ZSWIM1: variants seen among roughly 807,000 people sequenced by gnomAD.
ZSWIM1 encodes the protein zinc finger SWIM domain-containing protein 1.
In ZSWIM1, 22 loss-of-function variants were observed where a neutral mutation model predicts 29.3. That is an observed-to-expected ratio of 0.75 (90% CI 0.54 to 1.07). ZSWIM1 has a LOEUF of 1.07. Ranked by LOEUF, ZSWIM1 falls within the 50% of genes least tolerant of loss-of-function variation. ZSWIM1 has a pLI of 0.00. For synonymous variants in ZSWIM1, 228 were observed against 240.8 expected, an observed-to-expected ratio of 0.95 and a Z score of 0.49; for missense variants, 511 against 596.2, an observed-to-expected ratio of 0.86 and a Z score of 1.49.
In ZSWIM1 at chr20:45,883,602, C is replaced by T. The variant is rs1328414735; in HGVS notation, c.1010C>T (p.Pro337Leu). Residue 337 changes from proline to leucine, a missense_variant, in exon 2 of 2, where the codon CCA (proline) becomes CTA (leucine). Coordinates refer to ENST00000372523, the MANE Select transcript of ZSWIM1 (RefSeq NM_080603.5). ...TCCCTCAATGCCATCTGCACAGGGC[C>T]AGCAGCCCAACTGTGCCTGGGCGAG... is the stretch of plus-strand genomic sequence containing the variant. ...QHSLNAICTG[P>L]AAQLCLGELA... The T allele has an allele frequency of 1.9e-6, 3 of 1,614,094 alleles. No homozygotes were observed. Among genetic ancestry groups the T allele is most frequent in the East Asian group, 2.2e-5 (1 of 44,898 alleles).
rs1242965749 is a variant in ZSWIM1 at position 45,884,138 on chromosome 20, ACACACT to A, written c.*90_*95del. ...CACACACACACACACACACACACACACACACTCCCTTACACTGTTGTACTTCCGTGG... is the reference window on the plus strand; with the variant it reads ...CACACACACACACACACACACACACACCCTTACACTGTTGTACTTCCGTGG... On this transcript the variant is annotated 3_prime_UTR_variant, in exon 2 of 2. Coordinates refer to ENST00000372523, the MANE Select transcript of ZSWIM1 (RefSeq NM_080603.5). 7.0e-7 allele frequency: 1 copy of A among 1,430,038 alleles called. No individual in the cohort carries two copies. 88.6% of individuals were successfully genotyped at this position (1,430,038 alleles called of 1,614,324 possible).
rs772607038 is a variant in ZSWIM1 at position 45,883,456 on chromosome 20, G to A, written c.864G>A (p.Gln288=). Reference sequence around the variant, plus strand: ...CTTCTCTGTTCCGTTACATGCAGCAGAACTCTGCAGACAAGGCAAACTTCA... The same window carrying A: ...CTTCTCTGTTCCGTTACATGCAGCAAAACTCTGCAGACAAGGCAAACTTCA... ...GMASLFRYMQ[Q]NSADKANFNQ... The change falls in exon 2 of 2, where the codon CAG becomes CAA. Residue 288 remains glutamine (Q), a synonymous_variant. Coordinates refer to ENST00000372523, the MANE Select transcript of ZSWIM1 (RefSeq NM_080603.5). 1.2e-6 allele frequency: 2 copies of A among 1,614,112 alleles called. No individual in the cohort carries two copies. The highest frequency in any genetic ancestry group is 1.3e-5 in the African/African-American group (1 of 74,938).
chr20:45,883,427 A>G lies in ZSWIM1; in HGVS notation c.835A>G (p.Met279Val), dbSNP rs1372531938. 1 of 1,614,210 alleles carries G rather than the reference A, an allele frequency of 6.2e-7. No individual in the cohort carries two copies. The highest frequency in any genetic ancestry group is 1.3e-5 in the African/African-American group (1 of 75,054). ...FGTTPSEKQG[M>V]ASLFRYMQQN... ...TACCACCCCATCTGAGAAACAAGGTATGGCTTCTCTGTTCCGTTACATGCA... is the reference window on the plus strand; with the variant it reads ...TACCACCCCATCTGAGAAACAAGGTGTGGCTTCTCTGTTCCGTTACATGCA... Residue 279 changes from methionine to valine, a missense_variant, in exon 2 of 2, where the codon ATG becomes GTG. Met to Val is a conservative substitution (Grantham distance 21). Transcript: ENST00000372523.
In ZSWIM1 at chr20:45,882,470, G is replaced by A. The variant is rs1232840395; in HGVS notation, c.-60-63G>A. 1.9e-5 allele frequency: 22 copies of A among 1,179,438 alleles called. No individual in the cohort carries two copies. The East Asian group carries it at 4.9e-4, about 27-fold the overall frequency. 73.1% of individuals were successfully genotyped at this position (1,179,438 alleles called of 1,614,324 possible). ...ATAGTAAGTGTTCAACAAATATTGT[G>A]TGGATGAATAATTGAAGAGCCAGGT... On this transcript the variant is annotated intron_variant, in intron 1 of 1. Coordinates refer to ENST00000372523, the MANE Select transcript of ZSWIM1 (RefSeq NM_080603.5).
In ZSWIM1 at chr20:45,883,846, G is replaced by A. The variant is rs369843458; in HGVS notation, c.1254G>A (p.Thr418=). ...LQPDMLPAQW[T]AGCATSLDSI... is the part of the protein sequence containing the mutation. Reference sequence around the variant, plus strand: ...CCGACATGCTGCCGGCTCAGTGGACGGCAGGCTGTGCTACCAGTCTAGACA... The same window carrying A: ...CCGACATGCTGCCGGCTCAGTGGACAGCAGGCTGTGCTACCAGTCTAGACA... The change falls in exon 2 of 2, where the codon ACG becomes ACA. Residue 418 remains threonine, a synonymous_variant. Coordinates refer to ENST00000372523, the MANE Select transcript of ZSWIM1 (RefSeq NM_080603.5). The A allele has an allele frequency of 2.2e-5, 36 of 1,613,442 alleles. No individual in the cohort carries two copies. Among genetic ancestry groups the A allele is most frequent in the African/African-American group, 6.7e-5 (5 of 74,874 alleles).
Position 45,884,192 on chromosome 20 carries a change from A to G in ZSWIM1, c.*142A>G. 1 of 1,207,640 alleles carries G rather than the reference A, an allele frequency of 8.3e-7. No individual in the cohort carries two copies. The highest frequency in any genetic ancestry group is 1.1e-6 in the Non-Finnish European group (1 of 870,508). 74.8% of individuals were successfully genotyped at this position (1,207,640 alleles called of 1,614,324 possible). On this transcript the variant is annotated 3_prime_UTR_variant, in exon 2 of 2. Coordinates refer to ENST00000372523, the MANE Select transcript of ZSWIM1 (RefSeq NM_080603.5). ...TGGGCCCTCCTTCCAGAACAAGGAC[A>G]ACAAGGACAAGGTTGAAGGGTCTTC...
Position 45,885,263 on chromosome 20 carries a change from T to C in ZSWIM1, c.*1213T>C, listed in dbSNP as rs992274261. On this transcript the variant is annotated 3_prime_UTR_variant, in exon 2 of 2. Coordinates refer to ENST00000372523, the MANE Select transcript of ZSWIM1 (RefSeq NM_080603.5). ...GTCAATAAAACTGAATGTTGCATAT[T>C]CTAGCACTTGTCTAGTTTTTTTTTT... The C allele has an allele frequency of 1.2e-5, 2 of 165,782 alleles. No homozygotes were observed. Among genetic ancestry groups the C allele is most frequent in the Non-Finnish European group, 2.9e-5 (2 of 68,108 alleles). The allele number at this position is 165,782 out of a possible 1,614,324, so 10.3% of individuals were successfully genotyped here. A position where few individuals can be genotyped will look rare whatever the true frequency, so the allele number is the denominator to read the frequency against.
rs373249399 is a variant in ZSWIM1 at position 45,883,890 on chromosome 20, G to A, written c.1298G>A (p.Trp433Ter). ...TSLDSILGSK[W>*]SETLDKHLAV... ...CTAGACAGCATCCTGGGCAGCAAGT[G>A]GAGTGAGACCCTGGATAAGCACCTG... is the stretch of plus-strand genomic sequence containing the variant. Residue 433 changes from tryptophan to a stop codon, truncating the protein, a stop_gained, in exon 2 of 2, where the codon TGG becomes TAG. Coordinates refer to ENST00000372523, the MANE Select transcript of ZSWIM1 (RefSeq NM_080603.5). LOFTEE classifies it high-confidence loss of function. 78 of 1,613,930 alleles carry A rather than the reference G, an allele frequency of 4.8e-5. No individual in the cohort carries two copies. Among genetic ancestry groups the A allele is most frequent in the Non-Finnish European group, 5.1e-6 (6 of 1,180,040 alleles).
Position 45,885,253 on chromosome 20 carries a change from T to A in ZSWIM1, c.*1203T>A, listed in dbSNP as rs1209394620. Reference sequence around the variant, plus strand: ...CCATCCTGGGGTCAATAAAACTGAATGTTGCATATTCTAGCACTTGTCTAG... The same window carrying A: ...CCATCCTGGGGTCAATAAAACTGAAAGTTGCATATTCTAGCACTTGTCTAG... On this transcript the variant is annotated 3_prime_UTR_variant, in exon 2 of 2. Coordinates refer to ENST00000372523, the MANE Select transcript of ZSWIM1 (RefSeq NM_080603.5). 1 of 166,486 alleles carries A rather than the reference T, an allele frequency of 6.0e-6. No individual in the cohort carries two copies. Among genetic ancestry groups the A allele is most frequent in the South Asian group, 2.1e-4 (1 of 4,824 alleles). The allele number at this position is 166,486 out of a possible 1,614,324, so 10.3% of individuals were successfully genotyped here. A position where few individuals can be genotyped will look rare whatever the true frequency, so the allele number is the denominator to read the frequency against.
Position 45,883,458 on chromosome 20 carries a change from A to G in ZSWIM1, c.866A>G (p.Asn289Ser). 6.2e-7 allele frequency: 1 copy of G among 1,614,122 alleles called. No homozygotes were observed. Among genetic ancestry groups the G allele is most frequent in the South Asian group, 1.1e-5 (1 of 91,074 alleles). Residue 289 changes from asparagine (N) to serine (S), a missense_variant, in exon 2 of 2, where the codon AAC becomes AGC. By Grantham distance (46) the Asn-to-Ser change is conservative. Coordinates refer to ENST00000372523, the MANE Select transcript of ZSWIM1 (RefSeq NM_080603.5). ...MASLFRYMQQ[N>S]SADKANFNQG... ...TCTCTGTTCCGTTACATGCAGCAGAACTCTGCAGACAAGGCAAACTTCAAC... is the reference window on the plus strand; with the variant it reads ...TCTCTGTTCCGTTACATGCAGCAGAGCTCTGCAGACAAGGCAAACTTCAAC...
rs1466224469 is a variant in ZSWIM1 at position 45,883,721 on chromosome 20, C to T, written c.1129C>T (p.Gln377Ter). The change falls in exon 2 of 2, where the codon CAG (glutamine) becomes TAG (stop). Residue 377 changes from glutamine (Q) to a stop codon, truncating the protein, a stop_gained. Transcript: ENST00000372523. LOFTEE classifies it high-confidence loss of function. The stretch of plus-strand genomic sequence containing the variant: ...GGAAGATACCCATAAGGTGCAGCCC[C>T]AGCCCCCTGCCAGCTGCAGCTGCTA... ...ILEDTHKVQP[Q>*]PPASCSCYFN... 1.9e-6 allele frequency: 3 copies of T among 1,614,138 alleles called. No individual in the cohort carries two copies. Among genetic ancestry groups the T allele is most frequent in the South Asian group, 2.2e-5 (2 of 91,086 alleles).
chr20:45,884,670 C>T lies in ZSWIM1; in HGVS notation c.*620C>T, dbSNP rs940070287. On this transcript the variant is annotated 3_prime_UTR_variant, in exon 2 of 2. Coordinates refer to ENST00000372523, the MANE Select transcript of ZSWIM1 (RefSeq NM_080603.5). ...AGCCATCGCACCCGGCCTGTTTTAA[C>T]ATTTTCATAAGGTAAAAACCTTTCT... 1 of 165,734 alleles carries T rather than the reference C, an allele frequency of 6.0e-6. No individual in the cohort carries two copies. Among genetic ancestry groups the T allele is most frequent in the African/African-American group, 2.4e-5 (1 of 41,138 alleles). The allele number at this position is 165,734 out of a possible 1,614,324, so 10.3% of individuals were successfully genotyped here.
intron 1 of ZSWIM1, among the ~76,000 whole-genome samples, 196 bp downstream of exon 1, chr20:45,881,457 G>T (rs1339924467): frequency 6.6e-6 from 1 of 152,178 alleles, no homozygotes; most frequent in Non-Finnish European, 1.5e-5. Context: ...GTTGGTTTTT[G>T]GACCCCAGGT....
At chr20:45,882,261 A>G (rs559531587) in intron 1 of ZSWIM1, among the ~76,000 whole-genome samples, 3 of 152,276 alleles carry the variant, frequency 2.0e-5, no homozygotes, top group East Asian at 1.9e-4. Flanking sequence ...TTCAGCTCCA[A>G]TGTCATCCTT....
At position 45,882,668 on chromosome 20, in the gene ZSWIM1, C is replaced by A. The variant is rs1396549887; in HGVS notation, c.76C>A (p.Pro26Thr). Residue 26 changes from proline to threonine, a missense_variant, in exon 2 of 2, where the codon CCC becomes ACC. Physicochemically the swap from Pro to Thr is conservative, Grantham distance 38. Transcript: ENST00000372523. ...TTTTGACCTTGGCATTTGGACAGCT[C>A]CCATCTCTCCCATGGCCCTGACAAT... ...KYFDLGIWTA[P>T]ISPMALTMLN... is the part of the protein sequence containing the mutation. The A allele has an allele frequency of 6.2e-7, 1 of 1,614,184 alleles. No individual in the cohort carries two copies. The highest frequency in any genetic ancestry group is 1.7e-5 in the Admixed American group (1 of 60,016).
In ZSWIM1 at chr20:45,883,724, C is replaced by T. The variant is rs1986374603; in HGVS notation, c.1132C>T (p.Pro378Ser). Residue 378 changes from proline (P) to serine (S), a missense_variant, in exon 2 of 2, where the codon CCC becomes TCC. By Grantham distance (74) the Pro-to-Ser change is moderately conservative. Transcript: ENST00000372523. The part of the protein sequence containing the change: ...LEDTHKVQPQ[P>S]PASCSCYFNQ... ...AGATACCCATAAGGTGCAGCCCCAG[C>T]CCCCTGCCAGCTGCAGCTGCTACTT... is the stretch of plus-strand genomic sequence containing the variant. The T allele has an allele frequency of 6.2e-7, 1 of 1,613,974 alleles. No individual in the cohort carries two copies. Among genetic ancestry groups the T allele is most frequent in the Non-Finnish European group, 8.5e-7 (1 of 1,180,038 alleles).
Position 45,882,910 on chromosome 20 carries a change from T to A in ZSWIM1, c.318T>A (p.Gly106=), listed in dbSNP as rs1208877972. 6.2e-7 allele frequency: 1 copy of A among 1,614,098 alleles called. No individual in the cohort carries two copies. The highest frequency in any genetic ancestry group is 1.3e-5 in the African/African-American group (1 of 75,032). The change falls in exon 2 of 2, where the codon GGT becomes GGA. Residue 106 remains glycine, a synonymous_variant. Transcript: ENST00000372523. ...ATGGACCTCGGGTGCAGCTGGAGGG[T>A]CATCTTGCCCGAGCAGTCTACTTTG... is the stretch of plus-strand genomic sequence containing the variant. ...LVDGPRVQLE[G]HLARAVYFAI... is the part of the protein sequence containing the mutation.
At position 45,883,567 on chromosome 20, in the gene ZSWIM1, C is replaced by A; in HGVS notation, c.975C>A (p.His325Gln). 1 of 1,614,260 alleles carries A rather than the reference C, an allele frequency of 6.2e-7. No homozygotes were observed. The change falls in exon 2 of 2, where the codon CAC becomes CAA. Residue 325 changes from histidine (H) to glutamine (Q), a missense_variant. Transcript: ENST00000372523. ...AACTGGAGCAGCTGGTAGAATCCCA[C>A]ATCCAGCACTCCCTCAATGCCATCT... Reference protein sequence around the residue: ...SPKLEQLVESHIQHSLNAICT... With the variant: ...SPKLEQLVESQIQHSLNAICT...
rs376392069 is a variant in ZSWIM1 at position 45,883,429 on chromosome 20, G to A, written c.837G>A (p.Met279Ile). The part of the protein sequence containing the change: ...FGTTPSEKQG[M>I]ASLFRYMQQN... ...CCACCCCATCTGAGAAACAAGGTAT[G>A]GCTTCTCTGTTCCGTTACATGCAGC... The change falls in exon 2 of 2, where the codon ATG becomes ATA. Residue 279 changes from methionine (M) to isoleucine (I), a missense_variant. Coordinates refer to ENST00000372523, the MANE Select transcript of ZSWIM1 (RefSeq NM_080603.5). 3 of 1,614,080 alleles carry A rather than the reference G, an allele frequency of 1.9e-6. No homozygotes were observed. The highest frequency in any genetic ancestry group is 2.5e-6 in the Non-Finnish European group (3 of 1,180,040).
Sources: allele counts gnomAD v4.1 joint callset (sites outside exome capture counted in the v4.1 genomes callset), GRCh38; gene constraint gnomAD v4.1.1; transcripts MANE v1.5; gene names NCBI Gene and HGNC (gene_info 2026-07-23, HGNC 2026-07-21).